NUDCD3: variants seen among roughly 807,000 people sequenced by gnomAD.
NUDCD3 encodes the protein NudC domain containing 3.
In NUDCD3, 13 loss-of-function variants were observed where a neutral mutation model predicts 39.7. The observed-to-expected ratio is 0.33, with a 90% confidence interval of 0.21 to 0.52. The LOEUF (loss-of-function observed/expected upper bound fraction) is 0.52. Ranked by LOEUF, NUDCD3 falls within the 20% of genes least tolerant of loss-of-function variation. The pLI, the probability that NUDCD3 is intolerant of heterozygous loss-of-function variation, is 0.96. For missense variants in NUDCD3, 453 were observed against 458.1 expected (o/e 0.99, Z 0.10); for synonymous variants, 175 against 172.4 (o/e 1.02, Z -0.12).
chr7:44,457,639 T>C (rs989795125), intron 2 of NUDCD3, among the ~76,000 whole-genome samples: 1 of 152,242 alleles, frequency 6.6e-6, no homozygotes, highest in African/African-American at 2.4e-5. Context: ...TTGTAAATTA[T>C]ATATGTAATA....
rs1798390863 is a variant in NUDCD3 at position 44,385,780 on chromosome 7, C to A, written c.*231G>T. The A allele has an allele frequency of 3.7e-6, 2 of 533,580 alleles. No individual in the cohort carries two copies. The highest frequency in any genetic ancestry group is 1.9e-5 in the African/African-American group (1 of 52,266). The allele number at this position is 533,580 out of a possible 1,614,324, so 33.1% of individuals were successfully genotyped here. A position where few individuals can be genotyped will look rare whatever the true frequency, so the allele number is the denominator to read the frequency against. On this transcript the variant is annotated 3_prime_UTR_variant, in exon 6 of 6. Coordinates refer to ENST00000355451, the MANE Select transcript of NUDCD3 (RefSeq NM_015332.4). ...GATATCCTCTCCTGCATTTCAAACACCTTCACTCAGTGTCAGCCACAGCGG... is the reference window on the plus strand; with the variant it reads ...GATATCCTCTCCTGCATTTCAAACAACTTCACTCAGTGTCAGCCACAGCGG...
At chr7:44,402,695 T>C (rs1798748626) in intron 4 of NUDCD3, 3 of 456,558 alleles carry the variant, frequency 6.6e-6, no homozygotes, top group Non-Finnish European at 1.3e-5. Context: ...ACCTGCTCCA[T>C]GATCTGCACT....
chr7:44,412,977 C>T (rs1798959564), intron 3 of NUDCD3, among the ~76,000 whole-genome samples: 1 of 148,960 alleles, frequency 6.7e-6, no homozygotes, highest in African/African-American at 2.5e-5. Context: ...TGACCATTGG[C>T]AGAATTCAGA....
chr7:44,421,331 T>TAA lies in NUDCD3; in HGVS notation c.642+6238_642+6239dup, dbSNP rs531473757. On this transcript the variant is annotated intron_variant, in intron 3 of 5. Coordinates refer to ENST00000355451, the MANE Select transcript of NUDCD3 (RefSeq NM_015332.4). ...ATGGGCAACAGAGCAAGACTCCGTC[T>TAA]AAAAAAAAAAAAAAAAAACCACACA... Among the ~76,000 whole-genome samples the TAA allele has an allele frequency of 5.7e-3, 709 of 124,556 alleles. 8 individuals are homozygous for TAA. Among genetic ancestry groups the TAA allele is most frequent in the African/African-American group, 0.016 (512 of 32,642 alleles). 81.7% of individuals were successfully genotyped at this position (124,556 alleles called of 152,430 possible).
intron 2 of NUDCD3, among the ~76,000 whole-genome samples, chr7:44,461,725 A>G (rs1231938083): frequency 6.6e-6 from 1 of 152,174 alleles, no homozygotes; most frequent in African/African-American, 2.4e-5. Flanking sequence ...GGGAGGAAAC[A>G]AAGAAACAGA....
At chr7:44,410,210 G>A (rs927952198) in intron 3 of NUDCD3, among the ~76,000 whole-genome samples, 1 of 152,126 alleles carries the variant, frequency 6.6e-6, no homozygotes, top group Non-Finnish European at 1.5e-5. Flanking sequence ...TCACCTAGAT[G>A]TCATAATCAA....
intron 2 of NUDCD3, chr7:44,467,880 A>G: frequency 6.3e-7 from 1 of 1,591,498 alleles, no homozygotes; most frequent in Non-Finnish European, 8.6e-7. Flanking sequence ...GGTGGCAGCC[A>G]TCTCCTCCTC....
intron 2 of NUDCD3, among the ~76,000 whole-genome samples, chr7:44,442,351 A>G (rs1198310948): frequency 6.6e-6 from 1 of 152,232 alleles, no homozygotes; most frequent in Non-Finnish European, 1.5e-5. Flanking sequence ...GTCAATGCAC[A>G]GCTGCCACAT....
At chr7:44,469,525 G>C (rs547640459) in intron 2 of NUDCD3, among the ~76,000 whole-genome samples, 1 of 152,216 alleles carries the variant, frequency 6.6e-6, no homozygotes, top group South Asian at 2.1e-4. Context: ...TAAGATTAAT[G>C]GTAAAGGTAT....
At chr7:44,410,328 A>G (rs1038526863) in intron 3 of NUDCD3, among the ~76,000 whole-genome samples, 9 of 152,342 alleles carry the variant, frequency 5.9e-5, no homozygotes, top group Middle Eastern at 3.4e-3. Context: ...TGGTACTGGC[A>G]TAAGGACAGG....
intron 3 of NUDCD3, among the ~76,000 whole-genome samples, chr7:44,414,877 G>A (rs1179611687): frequency 1.3e-5 from 2 of 152,146 alleles, no homozygotes; most frequent in African/African-American, 2.4e-5. Flanking sequence ...TAAGCCTGGG[G>A]ATCAGTTAGA....
At chr7:44,475,326 G>A (rs1033423043) in intron 2 of NUDCD3, among the ~76,000 whole-genome samples, 7 of 151,706 alleles carry the variant, frequency 4.6e-5, no homozygotes, top group African/African-American at 1.7e-4. Flanking sequence ...TGGCCAGGCT[G>A]GTCTACATCA....
chr7:44,475,622 T>C (rs1461361773), intron 2 of NUDCD3, among the ~76,000 whole-genome samples: 2 of 151,816 alleles, frequency 1.3e-5, no homozygotes, highest in Non-Finnish European at 1.5e-5. Context: ...TAGCCAGGCA[T>C]GGTGGTACAC....
intron 2 of NUDCD3, among the ~76,000 whole-genome samples, chr7:44,434,533 G>C (rs1235974670): frequency 6.6e-6 from 1 of 152,142 alleles, no homozygotes; most frequent in Non-Finnish European, 1.5e-5. Flanking sequence ...CTAAGTTCAT[G>C]CTTCTTTACT....
At chr7:44,451,963 C>A (rs1436302496) in intron 2 of NUDCD3, among the ~76,000 whole-genome samples, 1 of 152,076 alleles carries the variant, frequency 6.6e-6, no homozygotes, top group Admixed American at 6.5e-5. Flanking sequence ...GGAGAAAAGT[C>A]ATCTATAGAG....
intron 2 of NUDCD3, among the ~76,000 whole-genome samples, chr7:44,434,209 A>T (rs934784608): frequency 6.6e-6 from 1 of 152,106 alleles, no homozygotes; most frequent in Non-Finnish European, 1.5e-5. Flanking sequence ...CAGTGCTCAA[A>T]AATGACTCGA....
At position 44,419,099 on chromosome 7, in the gene NUDCD3, T is replaced by C. The variant is rs560068396; in HGVS notation, c.642+8472A>G. On this transcript the variant is annotated intron_variant, in intron 3 of 5. Coordinates refer to ENST00000355451, the MANE Select transcript of NUDCD3 (RefSeq NM_015332.4). ...AGCAAGACAGAACCGTTCACTCCCC[T>C]GGAAAGGAGGCTGAAGCCAGGGAGC... is the stretch of plus-strand genomic sequence containing the variant. 3.3e-5 allele frequency among the ~76,000 whole-genome samples: 5 copies of C among 151,754 alleles called. 1 individual carries two copies. The highest frequency in any genetic ancestry group is 7.4e-5 in the Non-Finnish European group (5 of 67,900).
intron 4 of NUDCD3, among the ~76,000 whole-genome samples, chr7:44,399,005 A>G (rs1440202654): frequency 6.6e-6 from 1 of 152,242 alleles, no homozygotes; most frequent in Non-Finnish European, 1.5e-5. Context: ...AACAAAATTA[A>G]GACACTGTAT....
intron 2 of NUDCD3, among the ~76,000 whole-genome samples, chr7:44,465,537 T>A (rs1373304360): frequency 1.3e-5 from 2 of 152,234 alleles, no homozygotes; most frequent in Non-Finnish European, 2.9e-5. Flanking sequence ...CACTTCCTGC[T>A]CAATTTTGCT....
Sources: gnomAD v4.1 joint callset for allele counts (sites outside exome capture counted in the v4.1 genomes callset) on GRCh38, gnomAD v4.1.1 for gene constraint, MANE v1.5 for transcripts, NCBI Gene and HGNC (gene_info 2026-07-23, HGNC 2026-07-21) for gene names.